CAAP1: variants seen among roughly 807,000 people sequenced by gnomAD.
CAAP1 encodes the protein conserved anti-apoptotic protein.
CAAP1 carries 20 observed loss-of-function variants against 34.0 expected under a neutral mutation model. The observed-to-expected ratio is 0.59, with a 90% CI of 0.41 to 0.86. The LOEUF is 0.86. Ranked by LOEUF, CAAP1 falls within the 40% of genes least tolerant of loss-of-function variation. CAAP1 has a pLI of 0.00. For missense variants in CAAP1, 538 were observed against 450.5 expected, an observed-to-expected ratio of 1.19 and a Z score of -1.76; for synonymous variants, 213 against 166.7, an observed-to-expected ratio of 1.28 and a Z score of -2.14.
intron 1 of CAAP1, among the ~76,000 whole-genome samples, chr9:26,889,180 G>C (rs1260358905): frequency 3.9e-5 from 6 of 152,218 alleles, no homozygotes; most frequent in African/African-American, 1.4e-4. Context: ...AATTTGGGAG[G>C]CTGAGGCGAA....
chr9:26,857,786 G>A (rs774582069), intron 5 of CAAP1, among the ~76,000 whole-genome samples: 26 of 152,108 alleles, frequency 1.7e-4, no homozygotes, highest in Non-Finnish European at 3.4e-4. Context: ...AAAGTGCAGT[G>A]GAAGTTAGTG....
intron 5 of CAAP1, among the ~76,000 whole-genome samples, chr9:26,852,280 G>A (rs191823423): frequency 6.6e-6 from 1 of 151,934 alleles, no homozygotes; most frequent in Non-Finnish European, 1.5e-5. Flanking sequence ...GTGGTGAAAC[G>A]CCGTCTCTAT....
chr9:26,881,706 T>TG (rs1186869827), intron 4 of CAAP1, among the ~76,000 whole-genome samples: 1 of 151,986 alleles, frequency 6.6e-6, no homozygotes, highest in African/African-American at 2.4e-5. Flanking sequence ...ACCAGTAGAG[T>TG]GGGGCACTGC....
chr9:26,891,681 G>C (rs757064821), intron 1 of CAAP1, among the ~76,000 whole-genome samples: 1 of 152,116 alleles, frequency 6.6e-6, no homozygotes, highest in Non-Finnish European at 1.5e-5. Context: ...AACAATGCAG[G>C]TATTCAACAG....
At chr9:26,874,652 T>C (rs1755726690) in intron 4 of CAAP1, among the ~76,000 whole-genome samples, 1 of 152,178 alleles carries the variant, frequency 6.6e-6, no homozygotes, top group Non-Finnish European at 1.5e-5. Flanking sequence ...CAGTTCCTAA[T>C]CTTCATCCCC....
intron 4 of CAAP1, among the ~76,000 whole-genome samples, chr9:26,871,271 T>C (rs564939658): frequency 1.4e-5 from 2 of 141,618 alleles, no homozygotes; most frequent in Admixed American, 1.4e-4. Context: ...GACATGGATG[T>C]TTTTCCCTTA....
At chr9:26,879,886 T>C (rs1009929742) in intron 4 of CAAP1, among the ~76,000 whole-genome samples, 7 of 152,176 alleles carry the variant, frequency 4.6e-5, no homozygotes, top group African/African-American at 7.2e-5. Context: ...TGATCCACCA[T>C]TGGCTTCCGT....
intron 5 of CAAP1, among the ~76,000 whole-genome samples, chr9:26,855,559 C>G (rs1822851207): frequency 6.6e-6 from 1 of 152,094 alleles, no homozygotes; most frequent in Admixed American, 6.6e-5. Context: ...CTCTGTACTT[C>G]CTGCTCACTT....
chr9:26,856,586 C>T (rs924834407), intron 5 of CAAP1, among the ~76,000 whole-genome samples: 2 of 152,192 alleles, frequency 1.3e-5, no homozygotes, highest in Admixed American at 6.5e-5. Context: ...GAATCCTCTA[C>T]AACAGCACCA....
intron 5 of CAAP1, among the ~76,000 whole-genome samples, chr9:26,845,642 A>T (rs1405977197): frequency 1.3e-5 from 2 of 152,116 alleles, no homozygotes; most frequent in African/African-American, 4.8e-5. Flanking sequence ...CCAAAGTGCT[A>T]GGATTACAGG....
intron 4 of CAAP1, among the ~76,000 whole-genome samples, chr9:26,870,232 G>T (rs1005302950): frequency 8.6e-5 from 13 of 151,868 alleles, no homozygotes; most frequent in Non-Finnish European, 1.9e-4. Context: ...TTCTGGAAAG[G>T]TGCCTATCTG....
At position 26,885,163 on chromosome 9, in the gene CAAP1, A is replaced by G. The variant is rs1481438273; in HGVS notation, c.590-278T>C. ...ATGACCTCGGCTCACTGCAACCTCCACCTCCCGGGTTCTAGCAATTCTCCT... is the reference window on the plus strand; with the variant it reads ...ATGACCTCGGCTCACTGCAACCTCCGCCTCCCGGGTTCTAGCAATTCTCCT... On this transcript the variant is annotated intron_variant, in intron 3 of 5. Transcript: ENST00000333916. Among the ~76,000 whole-genome samples, 28 of 130,704 alleles carry G rather than the reference A, an allele frequency of 2.1e-4. 1 individual carries two copies. In the Admixed American group the frequency reaches 2.5e-3, roughly 12 times the overall value. 85.7% of individuals were successfully genotyped at this position (130,704 alleles called of 152,430 possible).
chr9:26,892,006 C>T (rs1823915034), intron 1 of CAAP1, among the ~76,000 whole-genome samples: 1 of 152,058 alleles, frequency 6.6e-6, no homozygotes, highest in South Asian at 2.1e-4. Flanking sequence ...TAAAGTTTAA[C>T]TTCTTTGGGC....
chr9:26,845,260 T>C (rs1822572968), intron 5 of CAAP1, among the ~76,000 whole-genome samples: 1 of 152,238 alleles, frequency 6.6e-6, no homozygotes, highest in South Asian at 2.1e-4. Context: ...CAGTAATATT[T>C]GTTGAATTAT....
chr9:26,892,195 T>G (rs1823920269), intron 1 of CAAP1: 13 of 1,292,690 alleles, frequency 1.0e-5, no homozygotes, highest in African/African-American at 3.1e-5. Flanking sequence ...AAAAAAAAAG[T>G]GATCAGGAAA....
intron 4 of CAAP1, among the ~76,000 whole-genome samples, chr9:26,871,998 G>C (rs944274031): frequency 1.3e-5 from 2 of 152,258 alleles, no homozygotes; most frequent in African/African-American, 4.8e-5. Flanking sequence ...GGCTTTGTAA[G>C]TGGATGGGCT....
intron 1 of CAAP1, 31 bp downstream of exon 1, chr9:26,892,382 C>T (rs1165624915): frequency 6.2e-7 from 1 of 1,601,336 alleles, no homozygotes; most frequent in African/African-American, 1.3e-5. Flanking sequence ...AGCAGCAGCT[C>T]CAGGAAGCGG....
chr9:26,851,988 T>C (rs1225527243), intron 5 of CAAP1, among the ~76,000 whole-genome samples: 3 of 152,210 alleles, frequency 2.0e-5, no homozygotes, highest in Non-Finnish European at 4.4e-5. Context: ...AATATAAATA[T>C]AAGCTCAGAA....
At chr9:26,854,959 A>C (rs1822833311) in intron 5 of CAAP1, among the ~76,000 whole-genome samples, 1 of 152,220 alleles carries the variant, frequency 6.6e-6, no homozygotes, top group Non-Finnish European at 1.5e-5. Context: ...AAAATGGTAC[A>C]CTTTGGAATA....
Sources: allele counts gnomAD v4.1 joint callset (sites outside exome capture counted in the v4.1 genomes callset), GRCh38; gene constraint gnomAD v4.1.1; transcripts MANE v1.5; gene names NCBI Gene and HGNC (gene_info 2026-07-23, HGNC 2026-07-21).